The following DEAF1 variants were observed in gnomAD, a reference collection of about 807,000 sequenced individuals.
The protein encoded by DEAF1 is deformed epidermal autoregulatory factor 1 homolog.
Under a neutral mutation model 58.9 loss-of-function variants are expected in DEAF1, and 53 were observed. The ratio of observed to expected loss-of-function variants is 0.90; its 90% confidence interval spans 0.72 to 1.13. The LOEUF is 1.13. Ranked by LOEUF, DEAF1 falls within the 50% of genes most tolerant of loss-of-function variation. DEAF1 has a pLI of 0.00. For synonymous variants in DEAF1, 385 were observed against 340.4 expected, an observed-to-expected ratio of 1.13 and a Z score of -1.44; for missense variants, 685 against 791.4, an observed-to-expected ratio of 0.87 and a Z score of 1.61.
chr11:679,722 ACT>A lies in DEAF1; in HGVS notation c.1090_1091del (p.Pro365GlyfsTer26), dbSNP rs756419434. Reference protein sequence around the residue: ...TVEATAVISESPAQGDVFAGA... With the variant: ...TVEATAVISEXPAQGDVFAGA... ...CTGCGAAGACGTCGCCCTGGGCCGG[ACT>A]CTCTGATATGACAGCAGTGGCCTCT... On this transcript the variant is annotated frameshift_variant, in exon 8 of 12. Transcript: ENST00000382409. LOFTEE classifies it high-confidence loss of function. 29 of 1,613,480 alleles carry A rather than the reference ACT, an allele frequency of 1.8e-5. No homozygotes were observed. The highest frequency in any genetic ancestry group is 2.4e-5 in the Non-Finnish European group (28 of 1,179,984).
intron 1 of DEAF1, chr11:703,718 G>A (rs541810179): frequency 8.1e-7 from 1 of 1,232,358 alleles, no homozygotes; most frequent in African/African-American, 1.6e-5. Context: ...AGTGGACTCT[G>A]GGTTCCTAAA....
chr11:706,134 C>A, intron 1 of DEAF1: 1 of 152,048 alleles, frequency 6.6e-6, no homozygotes, highest in South Asian at 2.0e-4. Flanking sequence ...CGCAACCTGT[C>A]GCTCAGGTTC....
chr11:658,073 C>T (rs955476034), intron 10 of DEAF1, among the ~76,000 whole-genome samples: 2 of 152,188 alleles, frequency 1.3e-5, no homozygotes, highest in Admixed American at 1.3e-4. Flanking sequence ...GGACCCTCTG[C>T]GCTCACTTTG....
chr11:705,208 G>C (rs1244829377), intron 1 of DEAF1: 1 of 164,374 alleles, frequency 6.1e-6, no homozygotes, highest in Non-Finnish European at 1.3e-5. Flanking sequence ...CAGACTCTTG[G>C]CCACGCTCAT....
intron 9 of DEAF1, among the ~76,000 whole-genome samples, chr11:676,790 C>A (rs1303437323): frequency 6.6e-6 from 1 of 152,176 alleles, no homozygotes; most frequent in Non-Finnish European, 1.5e-5. Flanking sequence ...CGGCGTGAGC[C>A]ACCACGCCCA....
chr11:671,555 A>G (rs1859825398), intron 10 of DEAF1, among the ~76,000 whole-genome samples: 1 of 151,590 alleles, frequency 6.6e-6, no homozygotes, highest in Admixed American at 6.6e-5. Context: ...TGTCTTCAGG[A>G]GTAGAAACAC....
chr11:700,952 T>C, intron 1 of DEAF1: 1 of 556,614 alleles, frequency 1.8e-6, no homozygotes, highest in South Asian at 2.1e-5. Flanking sequence ...GCATGTCTTG[T>C]AGAAGCCACT....
chr11:663,813 G>A (rs1476906338), intron 10 of DEAF1, among the ~76,000 whole-genome samples: 2 of 152,186 alleles, frequency 1.3e-5, no homozygotes, highest in East Asian at 1.9e-4. Context: ...GCGAAGGTCC[G>A]GTCTGCTGGA....
At chr11:689,184 GTTTC>G (rs1860723328) in intron 2 of DEAF1, among the ~76,000 whole-genome samples, 1 of 146,342 alleles carries the variant, frequency 6.8e-6, no homozygotes, top group Non-Finnish European at 1.5e-5. Context: ...GAAAACAACT[GTTTC>G]TTTTTTTCTT....
chr11:703,503 C>T, intron 1 of DEAF1: 1 of 1,246,600 alleles, frequency 8.0e-7, no homozygotes, highest in Non-Finnish European at 1.0e-6. Flanking sequence ...AGGACAGAGC[C>T]CTTCAGAACA....
intron 11 of DEAF1, among the ~76,000 whole-genome samples, chr11:648,403 G>T (rs866727482): frequency 6.6e-6 from 1 of 152,036 alleles, no homozygotes; most frequent in Non-Finnish European, 1.5e-5. Context: ...CACCATGTTA[G>T]CCAGGATGGT....
chr11:676,035 C>T, intron 9 of DEAF1, among the ~76,000 whole-genome samples: 1 of 60,496 alleles, frequency 1.7e-5, no homozygotes, highest in Admixed American at 1.9e-4. Context: ...ACCCGACACC[C>T]CCCAGCACCC....
chr11:664,233 A>G (rs993794740), intron 10 of DEAF1, among the ~76,000 whole-genome samples: 6 of 152,104 alleles, frequency 3.9e-5, no homozygotes, highest in Non-Finnish European at 8.8e-5. Context: ...AGAAAAAGAA[A>G]AAAAAGAAAA....
At chr11:669,774 A>C (rs1409392055) in intron 10 of DEAF1, among the ~76,000 whole-genome samples, 1 of 149,944 alleles carries the variant, frequency 6.7e-6, no homozygotes, top group Non-Finnish European at 1.5e-5. Flanking sequence ...TACTTAAAAC[A>C]CAAAAATTAG....
rs1040737979 is a variant in DEAF1 at position 700,451 on chromosome 11, C to T, written c.-438+6121G>A. ...CTGAGGTGGGAGGATTGCTTGAACCCGGGAGGTGGAGGTTCCAGTGAGCCA... is the reference window on the plus strand; with the variant it reads ...CTGAGGTGGGAGGATTGCTTGAACCTGGGAGGTGGAGGTTCCAGTGAGCCA... On this transcript the variant is annotated intron_variant, in intron 1 of 11. Transcript: ENST00000683307. Among the ~76,000 whole-genome samples the T allele has an allele frequency of 2.7e-5, 4 of 150,872 alleles. No individual in the cohort carries two copies. In the East Asian group the frequency reaches 5.9e-4, roughly 22 times the overall value.
Position 674,758 on chromosome 11 carries a change from C to T in DEAF1, c.1281G>A (p.Ala427=), listed in dbSNP as rs200163005. 40 of 1,612,776 alleles carry T rather than the reference C, an allele frequency of 2.5e-5. No homozygotes were observed. The highest frequency in any genetic ancestry group is 3.1e-5 in the Non-Finnish European group (37 of 1,180,032). The change falls in exon 10 of 12, where the codon GCG becomes GCA. Residue 427 remains alanine (A), a synonymous_variant. Transcript: ENST00000382409. ...CTTTGGTGGGAGTCGGGGGTGGGAC[C>T]GCCAGCGCAGGCAGGGATGTCAACA... The part of the protein sequence containing the change: ...KIVLTSLPAL[A]VPPPTPTKAA...
In DEAF1 at chr11:687,337, C is replaced by CCT. The variant is rs1170346077; in HGVS notation, c.665-342_665-341dup. Among the ~76,000 whole-genome samples, 12 of 152,380 alleles carry CCT rather than the reference C, an allele frequency of 7.9e-5. No individual in the cohort carries two copies. In the East Asian group the frequency reaches 1.9e-3, roughly 24 times the overall value. ...GAGGAACACGTCCCAGCCCTGCCTC[C>CCT]CTCCTGCTTCTTCTCGCTTGTCTCC... On this transcript the variant is annotated intron_variant, in intron 4 of 11. Transcript: ENST00000382409.
intron 2 of DEAF1, among the ~76,000 whole-genome samples, chr11:689,202 CTTTTTTTTTTTTTTT>C (rs34046317): frequency 5.3e-5 from 5 of 94,182 alleles, no homozygotes; most frequent in Non-Finnish European, 1.0e-4. Flanking sequence ...TTTTCTTTTT[CTTTTTTTTTTTTTTT>C]TTTTTTGAGA....
At chr11:678,901 C>T (rs2133377942) in intron 8 of DEAF1, 79 bp from the exon 9 acceptor site, 14 of 1,580,524 alleles carry the variant, frequency 8.9e-6, no homozygotes, top group African/African-American at 2.7e-5. Context: ...TGTATGGCTG[C>T]GCCATTCAGT....
Sources: allele counts gnomAD v4.1 joint callset (sites outside exome capture counted in the v4.1 genomes callset), GRCh38; gene constraint gnomAD v4.1.1; transcripts MANE v1.5; gene names NCBI Gene and HGNC (gene_info 2026-07-23, HGNC 2026-07-21).